The following CNTN4 variants were observed in gnomAD, a reference collection of about 807,000 sequenced individuals.
The protein encoded by CNTN4 is contactin 4.
CNTN4 carries 77 observed loss-of-function variants against 122.5 expected under a neutral mutation model. The observed-to-expected ratio is 0.63, with a 90% CI of 0.52 to 0.76. The LOEUF (loss-of-function observed/expected upper bound fraction) is 0.76. CNTN4 is among the 30% of genes least tolerant of loss of function. CNTN4 has a pLI of 0.00. For synonymous variants in CNTN4, 512 were observed against 447.0 expected, an observed-to-expected ratio of 1.15 and a Z score of -1.83; for missense variants, 1,256 against 1,259.1, an observed-to-expected ratio of 1.00 and a Z score of 0.04.
chr3:2,294,263 C>G (rs2042228537), intron 2 of CNTN4, among the ~76,000 whole-genome samples: 1 of 148,960 alleles, frequency 6.7e-6, no homozygotes, highest in South Asian at 2.1e-4. Context: ...AGTTACATTG[C>G]AAAGGAAAGG....
chr3:2,159,181 T>C (rs772321568), intron 2 of CNTN4, among the ~76,000 whole-genome samples: 2 of 152,194 alleles, frequency 1.3e-5, no homozygotes, highest in Non-Finnish European at 2.9e-5. Flanking sequence ...GCTCCAGAAT[T>C]ATACTGTATA....
intron 2 of CNTN4, among the ~76,000 whole-genome samples, chr3:2,184,789 A>AC (rs2037172596): frequency 1.3e-5 from 2 of 152,116 alleles, no homozygotes; most frequent in South Asian, 4.1e-4. Context: ...ACCTGCTGGC[A>AC]CCTTGGTCTT....
chr3:2,447,794 A>G (rs1292544158), intron 3 of CNTN4, among the ~76,000 whole-genome samples: 1 of 152,088 alleles, frequency 6.6e-6, no homozygotes, highest in African/African-American at 2.4e-5. Flanking sequence ...AGTACTTCTT[A>G]TGTGTTGGGT....
chr3:2,758,033 C>G (rs2090417845), intron 6 of CNTN4, among the ~76,000 whole-genome samples: 2 of 152,098 alleles, frequency 1.3e-5, no homozygotes, highest in Admixed American at 1.3e-4. Context: ...TTTTTCCCCT[C>G]AAATTGAATG....
intron 7 of CNTN4, among the ~76,000 whole-genome samples, chr3:2,863,696 T>G (rs2150799799): frequency 6.6e-6 from 1 of 152,208 alleles, no homozygotes; most frequent in East Asian, 1.9e-4. Flanking sequence ...GTTAGATGGT[T>G]GTGGTGGTGG....
intron 18 of CNTN4, chr3:3,037,800 A>G (rs980112588): frequency 1.8e-5 from 4 of 225,092 alleles, no homozygotes; most frequent in Admixed American, 1.6e-4. Context: ...TTCTTAGGGT[A>G]TAAACCATTC....
chr3:2,603,502 C>T (rs1424283272), intron 4 of CNTN4, among the ~76,000 whole-genome samples: 1 of 152,008 alleles, frequency 6.6e-6, no homozygotes, highest in Non-Finnish European at 1.5e-5. Flanking sequence ...ATTAAAGTGT[C>T]TGAATAAAAT....
intron 13 of CNTN4, among the ~76,000 whole-genome samples, chr3:2,974,842 G>T (rs1025347347): frequency 7.2e-5 from 11 of 152,276 alleles, no homozygotes; most frequent in Middle Eastern, 3.4e-3. Context: ...AGGGGTTAAA[G>T]CAAATAAAGC....
chr3:3,000,267 T>C (rs554552647), intron 14 of CNTN4, among the ~76,000 whole-genome samples: 2 of 151,874 alleles, frequency 1.3e-5, no homozygotes, highest in Non-Finnish European at 2.9e-5. Context: ...AAAATACAAC[T>C]GGAAGAGGAT....
chr3:2,728,688 C>G (rs906666971), intron 4 of CNTN4, among the ~76,000 whole-genome samples: 3 of 152,200 alleles, frequency 2.0e-5, no homozygotes, highest in African/African-American at 4.8e-5. Flanking sequence ...ATGCATAACG[C>G]AAAAAGCTAC....
Position 2,387,815 on chromosome 3 carries a change from C to A in CNTN4, c.-89+48582C>A, listed in dbSNP as rs569892587. Among the ~76,000 whole-genome samples the A allele has an allele frequency of 1.1e-3, 175 of 152,246 alleles. 1 individual carries two copies. The highest frequency in any genetic ancestry group is 4.1e-3 in the African/African-American group (170 of 41,552). ...TATTTCTTATGTTCCACCCATTATA[C>A]GTGAACTATGTGTATCATTAGAAGA... On this transcript the variant is annotated intron_variant, in intron 3 of 24. Coordinates refer to ENST00000418658, the MANE Select transcript of CNTN4 (RefSeq NM_175607.3).
At chr3:2,344,087 T>A (rs755591230) in intron 3 of CNTN4, among the ~76,000 whole-genome samples, 3 of 152,084 alleles carry the variant, frequency 2.0e-5, no homozygotes, top group African/African-American at 7.2e-5. Context: ...CTTCCCCCCA[T>A]GGCCCAAACA....
chr3:2,707,873 A>T (rs919671088), intron 4 of CNTN4, among the ~76,000 whole-genome samples: 1 of 152,202 alleles, frequency 6.6e-6, no homozygotes, highest in African/African-American at 2.4e-5. Flanking sequence ...GTGCTGAAGC[A>T]TTTGCGAGTA....
intron 3 of CNTN4, among the ~76,000 whole-genome samples, chr3:2,543,483 T>C (rs912395586): frequency 1.3e-5 from 2 of 152,018 alleles, no homozygotes; most frequent in Non-Finnish European, 2.9e-5. Flanking sequence ...TGGGAGGGGA[T>C]AACAGTGTGT....
At chr3:2,550,763 C>T (rs868828605) in intron 3 of CNTN4, among the ~76,000 whole-genome samples, 48 of 152,154 alleles carry the variant, frequency 3.2e-4, no homozygotes, top group African/African-American at 1.0e-3. Flanking sequence ...TGGAATACTA[C>T]GTAGCCATAA....
intron 4 of CNTN4, among the ~76,000 whole-genome samples, chr3:2,592,573 A>G (rs1433903433): frequency 6.6e-6 from 1 of 152,084 alleles, no homozygotes; most frequent in Non-Finnish European, 1.5e-5. Flanking sequence ...TAAAAACGGG[A>G]GTTTCTCTGC....
chr3:2,377,863 G>A (rs1312630913), intron 3 of CNTN4, among the ~76,000 whole-genome samples: 2 of 151,950 alleles, frequency 1.3e-5, no homozygotes, highest in African/African-American at 2.4e-5. Flanking sequence ...TGCGACCCAG[G>A]GAAGCCAAAA....
At chr3:2,537,306 G>T (rs978447215) in intron 3 of CNTN4, among the ~76,000 whole-genome samples, 2 of 152,020 alleles carry the variant, frequency 1.3e-5, no homozygotes, top group African/African-American at 4.8e-5. Flanking sequence ...GCCTAGAGTT[G>T]GTGGGTCTGA....
chr3:2,513,799 T>G (rs1382875), intron 3 of CNTN4, among the ~76,000 whole-genome samples: 33,760 of 151,968 alleles, frequency 0.22, 5,703 homozygotes, highest in African/African-American at 0.48. Flanking sequence ...TGGATTGAAC[T>G]CTCCAGGGGT....
Sources: gnomAD v4.1 joint callset for allele counts (sites outside exome capture counted in the v4.1 genomes callset) on GRCh38, gnomAD v4.1.1 for gene constraint, MANE v1.5 for transcripts, NCBI Gene and HGNC (gene_info 2026-07-23, HGNC 2026-07-21) for gene names.